The following DMP1 variants were observed in gnomAD, a reference collection of about 807,000 sequenced individuals.
The protein encoded by DMP1 is dentin matrix acidic phosphoprotein 1.
A neutral mutation model predicts 14.6 loss-of-function variants in DMP1; 20 were observed. The observed-to-expected ratio is 1.37, with a 90% CI of 0.96 to 1.99. The LOEUF (loss-of-function observed/expected upper bound fraction) is 1.99. Ranked by LOEUF, DMP1 falls within the 30% of genes most tolerant of loss-of-function variation. The pLI, the probability that DMP1 is intolerant of heterozygous loss-of-function variation, is 0.00. For synonymous variants in DMP1, 197 were observed against 215.3 expected (o/e 0.91, Z 0.75); for missense variants, 567 against 620.5 (o/e 0.91, Z 0.92).
At chr4:87,660,449 C>T (rs1435411448) in intron 5 of DMP1, among the ~76,000 whole-genome samples, 1 of 152,128 alleles carries the variant, frequency 6.6e-6, no homozygotes, top group Non-Finnish European at 1.5e-5. Context: ...TTCCACCATA[C>T]TAGCATAAAA....
chr4:87,653,702 G>T (rs1388013108), intron 1 of DMP1, among the ~76,000 whole-genome samples: 2 of 151,914 alleles, frequency 1.3e-5, no homozygotes, highest in Admixed American at 6.6e-5. Context: ...CCTGGGATGG[G>T]ATTTGTGCAT....
At chr4:87,659,366 G>A in intron 4 of DMP1, 65 bp from the exon 5 acceptor site, 3 of 1,598,100 alleles carry the variant, frequency 1.9e-6, no homozygotes, top group South Asian at 2.2e-5. Flanking sequence ...CAATTGATGT[G>A]TATCATGTTT....
Position 87,662,381 on chromosome 4 carries a change from G to A in DMP1, c.603G>A (p.Glu201=), listed in dbSNP as rs753599661. 6.2e-7 allele frequency: 1 copy of A among 1,614,184 alleles called. No individual in the cohort carries two copies. The highest frequency in any genetic ancestry group is 2.2e-5 in the East Asian group (1 of 44,878). The part of the protein sequence containing the change: ...EHWVGGGSDG[E]SSHGDGSELD... ...GGGTGGGAGGTGGCAGTGATGGGGA[G>A]AGCAGCCATGGAGACGGCTCCGAGT... Residue 201 remains glutamate, a synonymous_variant, in exon 6 of 6, where the codon GAG becomes GAA. Coordinates refer to ENST00000339673, the MANE Select transcript of DMP1 (RefSeq NM_004407.4).
At position 87,662,230 on chromosome 4, in the gene DMP1, C is replaced by T. The variant is rs763370118; in HGVS notation, c.452C>T (p.Ala151Val). 1.2e-6 allele frequency: 2 copies of T among 1,614,156 alleles called. No individual in the cohort carries two copies. The highest frequency in any genetic ancestry group is 4.5e-5 in the East Asian group (2 of 44,880). ...DDTIQASEES[A>V]PQGQDSAQDT... is the part of the protein sequence containing the mutation. The stretch of plus-strand genomic sequence containing the variant: ...ACCATACAAGCCAGTGAAGAGAGTG[C>T]CCCACAAGGGCAAGACAGTGCCCAA... The change falls in exon 6 of 6, where the codon GCC becomes GTC. Residue 151 changes from alanine (A) to valine (V), a missense_variant. Physicochemically the swap from Ala to Val is moderately conservative, Grantham distance 64. Coordinates refer to ENST00000339673, the MANE Select transcript of DMP1 (RefSeq NM_004407.4).
chr4:87,657,962 A>G (rs1169810294), intron 3 of DMP1, among the ~76,000 whole-genome samples: 1 of 152,158 alleles, frequency 6.6e-6, no homozygotes, highest in Non-Finnish European at 1.5e-5. Context: ...TCTGGAATAG[A>G]CTTTGCAGTA....
chr4:87,656,767 T>C (rs1226544352), intron 2 of DMP1, among the ~76,000 whole-genome samples: 1 of 152,212 alleles, frequency 6.6e-6, no homozygotes, highest in Non-Finnish European at 1.5e-5. Flanking sequence ...CTATAAGCAG[T>C]GCTTCTTAAA....
At chr4:87,656,625 AT>A in intron 2 of DMP1, 79 bp downstream of exon 2, 2 of 904,242 alleles carry the variant, frequency 2.2e-6, no homozygotes, top group Non-Finnish European at 3.7e-6. Context: ...ATGAACCAAG[AT>A]GGCTGTGTAT....
intron 1 of DMP1, among the ~76,000 whole-genome samples, chr4:87,652,102 C>A (rs1157286200): frequency 6.6e-6 from 1 of 152,118 alleles, no homozygotes; most frequent in African/African-American, 2.4e-5. Flanking sequence ...TCTAATACAC[C>A]GCCTTCCAAA....
At position 87,662,665 on chromosome 4, in the gene DMP1, C is replaced by T; in HGVS notation, c.887C>T (p.Thr296Ile). Residue 296 changes from threonine (T) to isoleucine (I), a missense_variant, in exon 6 of 6, where the codon ACA (threonine) becomes ATA (isoleucine). Thr to Ile is a moderately conservative substitution (Grantham distance 89). Coordinates refer to ENST00000339673, the MANE Select transcript of DMP1 (RefSeq NM_004407.4). Reference sequence around the variant, plus strand: ...ATGGAAGAAGTCAAGAGTGACTCTACAGAAAACAGCAACTCCAGAGACACT... The same window carrying T: ...ATGGAAGAAGTCAAGAGTGACTCTATAGAAAACAGCAACTCCAGAGACACT... ...NTMEEVKSDS[T>I]ENSNSRDTGL... 6.2e-7 allele frequency: 1 copy of T among 1,614,110 alleles called. No individual in the cohort carries two copies. The highest frequency in any genetic ancestry group is 8.5e-7 in the Non-Finnish European group (1 of 1,180,028).
At chr4:87,659,304 A>G (rs1728790419) in intron 4 of DMP1, 52 bp downstream of exon 4, 2 of 1,605,440 alleles carry the variant, frequency 1.2e-6, no homozygotes, top group Non-Finnish European at 1.7e-6. Flanking sequence ...TAACTTTAAC[A>G]CTCTTCCAGT....
intron 5 of DMP1, among the ~76,000 whole-genome samples, chr4:87,661,452 G>A (rs1330202135): frequency 6.6e-6 from 1 of 151,688 alleles, no homozygotes; most frequent in Non-Finnish European, 1.5e-5. Context: ...TCGATCTCCT[G>A]ACCTCGTGAT....
Position 87,653,407 on chromosome 4 carries a change from A to ATATATATATATATATATATATATATAT in DMP1, c.-21-3039_-21-3038insTTATATATATATATATATATATATATA, listed in dbSNP as rs1728583768. On this transcript the variant is annotated intron_variant, in intron 1 of 5. Transcript: ENST00000339673. ...GAGTGATATATATATATATATATATATATATATATATATATATATATATAT... is the reference window on the plus strand; with the variant it reads ...GAGTGATATATATATATATATATATATATATATATATATATATATATATATATTATATATATATATATATATATATAT... Among the ~76,000 whole-genome samples the ATATATATATATATATATATATATATAT allele has an allele frequency of 1.5e-4, 16 of 104,164 alleles. 2 individuals carry two copies. Among genetic ancestry groups the ATATATATATATATATATATATATATAT allele is most frequent in the Non-Finnish European group, 3.0e-4 (15 of 50,400 alleles). 68.3% of individuals were successfully genotyped at this position (104,164 alleles called of 152,430 possible).
chr4:87,656,530 T>C lies in DMP1; in HGVS notation c.38T>C (p.Leu13Ser), dbSNP rs868149050. The C allele has an allele frequency of 6.2e-7, 1 of 1,609,256 alleles. No homozygotes were observed. The change falls in exon 2 of 6, where the codon TTA (leucine) becomes TCA (serine). Residue 13 changes from leucine to serine, a missense_variant. By Grantham distance (145) the Leu-to-Ser change is moderately radical. Coordinates refer to ENST00000339673, the MANE Select transcript of DMP1 (RefSeq NM_004407.4). ...ATCCTGCTCATGTTCCTTTGGGGATTATCCTGTGCTCTCCCAGTAAGTATT... is the reference window on the plus strand; with the variant it reads ...ATCCTGCTCATGTTCCTTTGGGGATCATCCTGTGCTCTCCCAGTAAGTATT... Reference protein sequence around the residue: ...ISILLMFLWGLSCALPVTRYQ... With the variant: ...ISILLMFLWGSSCALPVTRYQ...
At chr4:87,656,609 T>A (rs374190026) in intron 2 of DMP1, 63 bp downstream of exon 2, 2 of 1,108,916 alleles carry the variant, frequency 1.8e-6, no homozygotes, top group East Asian at 4.7e-5. Flanking sequence ...ACAATTTTGA[T>A]TGGCTATGAA....
At chr4:87,660,143 C>T (rs1312482384) in intron 5 of DMP1, among the ~76,000 whole-genome samples, 1 of 152,112 alleles carries the variant, frequency 6.6e-6, no homozygotes, top group African/African-American at 2.4e-5. Context: ...AGGTTTCTCC[C>T]TAAGGCTTTG....
chr4:87,653,422 T>C (rs77970138), intron 1 of DMP1, among the ~76,000 whole-genome samples: 1 of 115,008 alleles, frequency 8.7e-6, no homozygotes, highest in Admixed American at 9.0e-5. Context: ...TATATATATA[T>C]ATATATATAT....
At chr4:87,656,610 T>G in intron 2 of DMP1, 64 bp downstream of exon 2, 2 of 1,101,912 alleles carry the variant, frequency 1.8e-6, no homozygotes, top group Non-Finnish European at 2.8e-6. Flanking sequence ...CAATTTTGAT[T>G]GGCTATGAAC....
chr4:87,650,824 A>T (rs926491619), intron 1 of DMP1, among the ~76,000 whole-genome samples: 21 of 152,300 alleles, frequency 1.4e-4, no homozygotes, highest in African/African-American at 4.6e-4. Flanking sequence ...AATTTTTTTT[A>T]AATTAAAATG....
intron 1 of DMP1, among the ~76,000 whole-genome samples, chr4:87,653,409 A>ATATATATATATATATATATTT (rs1728584640): frequency 1.8e-5 from 2 of 113,638 alleles, no homozygotes; most frequent in African/African-American, 3.8e-5. Context: ...ATATATATAT[A>ATATATATATATATATATATTT]TATATATATA....
Sources: gnomAD v4.1 joint callset for allele counts (sites outside exome capture counted in the v4.1 genomes callset) on GRCh38, gnomAD v4.1.1 for gene constraint, MANE v1.5 for transcripts, NCBI Gene and HGNC (gene_info 2026-07-23, HGNC 2026-07-21) for gene names.